Variants in EXOC6 observed in about 807,000 individuals in gnomAD.
EXOC6 encodes the protein SEC15-like 1.
EXOC6 carries 60 observed loss-of-function variants against 112.5 expected under a neutral mutation model. The ratio of observed to expected loss-of-function variants is 0.53; its 90% CI spans 0.43 to 0.66. The LOEUF is 0.66. Ranked by LOEUF, EXOC6 falls within the 30% of genes least tolerant of loss-of-function variation. The probability of loss-of-function intolerance (pLI) is 0.00; values close to 1 mark genes in which losing one functional copy is unlikely to be tolerated. For synonymous variants in EXOC6, 295 were observed against 308.0 expected (o/e 0.96, Z 0.44); for missense variants, 855 against 957.1 (o/e 0.89, Z 1.41).
At chr10:92,831,542 TCC>T (rs1846482350), upstream of EXOC6, among the ~76,000 whole-genome samples, 1 of 152,110 alleles carries the variant, frequency 6.6e-6, no homozygotes, top group Admixed American at 6.6e-5. Context: ...CAAGCAATTC[TCC>T]TGCCTCAGCC....
chr10:92,979,270 CT>C (rs1421797139), intron 18 of EXOC6, among the ~76,000 whole-genome samples: 1 of 152,192 alleles, frequency 6.6e-6, no homozygotes, highest in Non-Finnish European at 1.5e-5. Flanking sequence ...AGCGATTCTC[CT>C]CCCTCAGCCT....
chr10:92,931,259 C>A (rs1852017526), intron 9 of EXOC6, among the ~76,000 whole-genome samples: 2 of 148,900 alleles, frequency 1.3e-5, no homozygotes, highest in African/African-American at 2.5e-5. Flanking sequence ...GACCAATAAA[C>A]CAATTTAAAA....
intron 20 of EXOC6, among the ~76,000 whole-genome samples, chr10:93,017,155 A>G (rs1844564051): frequency 6.6e-6 from 1 of 152,106 alleles, no homozygotes; most frequent in Non-Finnish European, 1.5e-5. Context: ...TCTACAGAAT[A>G]TTAATTGTTT....
chr10:92,893,590 A>T, intron 2 of EXOC6, 70 bp downstream of exon 2: 2 of 1,261,460 alleles, frequency 1.6e-6, no homozygotes, highest in Non-Finnish European at 2.2e-6. Flanking sequence ...GATAGTACAT[A>T]TGTACAAGTC....
At chr10:93,032,907 A>G (rs1845334699) in intron 20 of EXOC6, among the ~76,000 whole-genome samples, 1 of 152,192 alleles carries the variant, frequency 6.6e-6, no homozygotes, top group African/African-American at 2.4e-5. Flanking sequence ...AACTGAGTGA[A>G]ATTGGGAAAT....
chr10:92,975,653 G>A (rs1196175364), intron 18 of EXOC6, among the ~76,000 whole-genome samples: 2 of 131,932 alleles, frequency 1.5e-5, no homozygotes, highest in Admixed American at 7.2e-5. Flanking sequence ...CACCCCGTCC[G>A]GGAGGTGAGG....
At chr10:92,842,333 T>C (rs1308142244) in intron 1 of EXOC6, among the ~76,000 whole-genome samples, 3 of 134,234 alleles carry the variant, frequency 2.2e-5, no homozygotes, top group Non-Finnish European at 4.6e-5. Flanking sequence ...CACTCCAGCC[T>C]GGGCAACAGA....
At chr10:93,004,705 A>G (rs1462185607) in intron 19 of EXOC6, among the ~76,000 whole-genome samples, 1 of 152,194 alleles carries the variant, frequency 6.6e-6, no homozygotes, top group Non-Finnish European at 1.5e-5. Context: ...TCAGGAATAT[A>G]GAATTATATG....
At chr10:92,843,716 G>A (rs947149358), upstream of EXOC6, among the ~76,000 whole-genome samples, 2 of 152,092 alleles carry the variant, frequency 1.3e-5, no homozygotes, top group Admixed American at 6.5e-5. Flanking sequence ...GTGGGCCGTC[G>A]CGGTGGCTCC....
chr10:92,895,517 C>T (rs916854143), intron 4 of EXOC6, among the ~76,000 whole-genome samples: 8 of 152,026 alleles, frequency 5.3e-5, no homozygotes, highest in Non-Finnish European at 1.2e-4. Flanking sequence ...TGCCTTTCCT[C>T]CTGTATTTTG....
intron 20 of EXOC6, among the ~76,000 whole-genome samples, chr10:93,023,929 A>C (rs1844901651): frequency 6.6e-6 from 1 of 152,078 alleles, no homozygotes; most frequent in Non-Finnish European, 1.5e-5. Flanking sequence ...ATATAACTGA[A>C]TTTTCCAGGT....
chr10:92,940,876 C>T, intron 13 of EXOC6, 52 bp downstream of exon 13: 1 of 1,158,742 alleles, frequency 8.6e-7, no homozygotes, highest in Non-Finnish European at 1.3e-6. Flanking sequence ...GTCAAATGCT[C>T]AAGTGGTTCA....
chr10:92,897,312 A>G (rs1396441568), intron 4 of EXOC6, among the ~76,000 whole-genome samples: 1 of 152,172 alleles, frequency 6.6e-6, no homozygotes. Context: ...CTCCAGAACT[A>G]CCTGCTTTCC....
chr10:92,952,014 G>C (rs1853446440), intron 14 of EXOC6, among the ~76,000 whole-genome samples: 1 of 152,140 alleles, frequency 6.6e-6, no homozygotes, highest in South Asian at 2.1e-4. Flanking sequence ...CTCATCATCA[G>C]AATACACCAG....
chr10:92,975,594 C>T (rs865939675), intron 18 of EXOC6, among the ~76,000 whole-genome samples: 2,117 of 146,188 alleles, frequency 0.014, 55 homozygotes, highest in African/African-American at 0.048. Flanking sequence ...CCCGGCCAGC[C>T]GCCCCGTCCG....
In EXOC6 at chr10:92,991,612, G is replaced by C. The variant is rs563905388; in HGVS notation, c.1954-5862G>C. ...ACTGCCAAAGTTTGATAAGCCCTATGATTGGGATAGGGGAAGTTTTGAGGG... is the reference window on the plus strand; with the variant it reads ...ACTGCCAAAGTTTGATAAGCCCTATCATTGGGATAGGGGAAGTTTTGAGGG... On this transcript the variant is annotated intron_variant, in intron 18 of 21. Transcript: ENST00000260762. 2.6e-4 allele frequency among the ~76,000 whole-genome samples: 40 copies of C among 152,268 alleles called. No homozygotes were observed. The South Asian group carries it at 5.6e-3, about 21-fold the overall frequency.
At chr10:93,044,912 G>T (rs1026173338) in intron 20 of EXOC6, among the ~76,000 whole-genome samples, 3 of 152,136 alleles carry the variant, frequency 2.0e-5, no homozygotes, top group Non-Finnish European at 4.4e-5. Flanking sequence ...TCATTCTGTT[G>T]TCCAGGCTGG....
chr10:92,892,183 C>T (rs937539252), intron 1 of EXOC6, among the ~76,000 whole-genome samples: 1 of 152,046 alleles, frequency 6.6e-6, no homozygotes, highest in African/African-American at 2.4e-5. Flanking sequence ...AAAGTTGTTA[C>T]ACTCATAGTT....
chr10:92,900,798 A>G (rs1850122851), intron 5 of EXOC6: 1 of 151,882 alleles, frequency 6.6e-6, no homozygotes, highest in South Asian at 2.1e-4. Flanking sequence ...ACTTTTAATT[A>G]TTACCATATT....
Sources: allele counts gnomAD v4.1 joint callset (sites outside exome capture counted in the v4.1 genomes callset), GRCh38; gene constraint gnomAD v4.1.1; transcripts MANE v1.5; gene names NCBI Gene and HGNC (gene_info 2026-07-23, HGNC 2026-07-21).